Variants in DYNLT2B observed in about 807,000 individuals in gnomAD.
DYNLT2B encodes dynein light chain Tctex-type 2B.
Under a neutral mutation model 19.5 loss-of-function variants are expected in DYNLT2B, and 14 were observed. The ratio of observed to expected loss-of-function variants is 0.72; its 90% confidence interval spans 0.47 to 1.12. The LOEUF is 1.12. Ranked by LOEUF, DYNLT2B falls within the 50% of genes most tolerant of loss-of-function variation. DYNLT2B has a pLI of 0.00. For synonymous variants in DYNLT2B, 70 were observed against 59.7 expected (o/e 1.17, Z -0.79); for missense variants, 133 against 174.7 (o/e 0.76, Z 1.35).
chr3:196,310,756 G>A (rs1026722011), intron 2 of DYNLT2B, among the ~76,000 whole-genome samples: 9 of 151,526 alleles, frequency 5.9e-5, no homozygotes, highest in Admixed American at 5.9e-4. Flanking sequence ...TTTTTTTGGA[G>A]ATAGGGTCTC....
intron 1 of DYNLT2B, among the ~76,000 whole-genome samples, chr3:196,317,182 TTG>T (rs1196484985): frequency 1.4e-4 from 7 of 48,388 alleles, no homozygotes; most frequent in African/African-American, 3.4e-4. Context: ...TGTGTGTGTG[TTG>T]TGTGTGTGTG....
chr3:196,313,475 C>A (rs570549551), intron 2 of DYNLT2B, among the ~76,000 whole-genome samples: 2 of 152,100 alleles, frequency 1.3e-5, no homozygotes, highest in East Asian at 1.9e-4. Context: ...GAATTACAGG[C>A]GTGAGCCACT....
chr3:196,317,154 A>AGTGTGT (rs199908321), intron 1 of DYNLT2B, among the ~76,000 whole-genome samples: 4 of 34,920 alleles, frequency 1.1e-4, no homozygotes, highest in African/African-American at 4.8e-4. Context: ...ATTTTTTTTC[A>AGTGTGT]GTGTGTGTGT....
chr3:196,307,047 T>C (rs1726508648), intron 2 of DYNLT2B, 35 bp from the exon 3 acceptor site: 1 of 1,585,958 alleles, frequency 6.3e-7, no homozygotes. Flanking sequence ...TATAAGCAAA[T>C]ATGTAGTAAA....
chr3:196,309,945 T>TC (rs1352975822), intron 2 of DYNLT2B, among the ~76,000 whole-genome samples: 4 of 114,042 alleles, frequency 3.5e-5, no homozygotes, highest in African/African-American at 1.2e-4. Context: ...CGAAACTCAG[T>TC]CCAAAAAAAA....
intron 4 of DYNLT2B, among the ~76,000 whole-genome samples, chr3:196,293,743 C>A (rs1726151401): frequency 1.4e-5 from 2 of 146,598 alleles, no homozygotes; most frequent in Non-Finnish European, 3.0e-5. Context: ...CTCCCAGGTT[C>A]AAGCAATTCT....
chr3:196,302,428 A>G (rs1726379584), intron 3 of DYNLT2B, among the ~76,000 whole-genome samples: 1 of 152,154 alleles, frequency 6.6e-6, no homozygotes, highest in Non-Finnish European at 1.5e-5. Flanking sequence ...GCTCAAAGAA[A>G]CCCACAATAG....
intron 2 of DYNLT2B, among the ~76,000 whole-genome samples, chr3:196,308,460 T>C (rs1287632917): frequency 6.6e-6 from 1 of 152,220 alleles, no homozygotes; most frequent in Non-Finnish European, 1.5e-5. Flanking sequence ...AGCTGTTTAC[T>C]CCAGAAACTA....
At chr3:196,313,926 C>T (rs755510305) in intron 2 of DYNLT2B, among the ~76,000 whole-genome samples, 9 of 151,936 alleles carry the variant, frequency 5.9e-5, no homozygotes, top group Non-Finnish European at 1.3e-4. Context: ...GGAGAAACCC[C>T]GTCTCTACTA....
rs1386363575 is a variant in DYNLT2B, at chr3:196,317,072, T to C, written c.114-841A>G. ...GTGTGGTGTGTGTGTGGTGTGTGTG[T>C]GTGTGTGTGTGTGTGTAAAGTTAGT... On this transcript the variant is annotated intron_variant, in intron 1 of 4. Coordinates refer to ENST00000325318, the MANE Select transcript of DYNLT2B (RefSeq NM_152773.5). Among the ~76,000 whole-genome samples, 34 of 122,816 alleles carry C rather than the reference T, an allele frequency of 2.8e-4. 1 individual carries two copies. The highest frequency in any genetic ancestry group is 1.1e-3 in the African/African-American group (34 of 30,436). The allele number at this position is 122,816 out of a possible 152,430, so 80.6% of individuals were successfully genotyped here. A position where few individuals can be genotyped will look rare whatever the true frequency, so the allele number is the denominator to read the frequency against.
At chr3:196,316,527 T>C (rs1726798287) in intron 1 of DYNLT2B, among the ~76,000 whole-genome samples, 1 of 151,898 alleles carries the variant, frequency 6.6e-6, no homozygotes, top group Non-Finnish European at 1.5e-5. Context: ...AAACAAAATA[T>C]ATACTTGTTG....
chr3:196,304,214 C>G (rs1023476255), intron 3 of DYNLT2B, among the ~76,000 whole-genome samples: 5 of 151,978 alleles, frequency 3.3e-5, no homozygotes, highest in Non-Finnish European at 7.4e-5. Context: ...CTCACTGCAA[C>G]CTCCACCTCC....
chr3:196,311,121 C>A (rs1274559591), intron 2 of DYNLT2B, among the ~76,000 whole-genome samples: 2 of 152,012 alleles, frequency 1.3e-5, no homozygotes, highest in Admixed American at 6.6e-5. Context: ...AAAGATCATT[C>A]CAGAACTAAT....
intron 2 of DYNLT2B, among the ~76,000 whole-genome samples, chr3:196,309,815 G>A (rs1163489389): frequency 1.3e-5 from 2 of 151,550 alleles, no homozygotes; most frequent in African/African-American, 4.8e-5. Flanking sequence ...AGGGCGTGGT[G>A]GTGCACGCCT....
At chr3:196,292,113 A>C (rs1271328189) in intron 4 of DYNLT2B, among the ~76,000 whole-genome samples, 1 of 152,246 alleles carries the variant, frequency 6.6e-6, no homozygotes. Context: ...ACCTTGTCAT[A>C]AATTCTGGAT....
intron 3 of DYNLT2B, among the ~76,000 whole-genome samples, chr3:196,302,505 C>CA (rs1726380787): frequency 6.6e-6 from 1 of 152,098 alleles, no homozygotes; most frequent in South Asian, 2.1e-4. Context: ...ATTAGAACTA[C>CA]AAAATAAATA....
chr3:196,304,330 G>T (rs1379155685), intron 3 of DYNLT2B, among the ~76,000 whole-genome samples: 1 of 151,954 alleles, frequency 6.6e-6, no homozygotes, highest in Non-Finnish European at 1.5e-5. Context: ...ACAGGGTTTC[G>T]CCAGGTTGGC....
chr3:196,302,674 A>G (rs1221923605), intron 3 of DYNLT2B, among the ~76,000 whole-genome samples: 2 of 152,218 alleles, frequency 1.3e-5, no homozygotes, highest in African/African-American at 4.8e-5. Context: ...GAGGTGGGTC[A>G]TAACTCCCTG....
intron 4 of DYNLT2B, among the ~76,000 whole-genome samples, chr3:196,294,821 C>T (rs929807319): frequency 6.6e-6 from 1 of 151,912 alleles, no homozygotes; most frequent in Non-Finnish European, 1.5e-5. Flanking sequence ...CTGGAACCTC[C>T]GCCACCAGGT....
Sources: allele counts gnomAD v4.1 joint callset (sites outside exome capture counted in the v4.1 genomes callset), GRCh38; gene constraint gnomAD v4.1.1; transcripts MANE v1.5; gene names NCBI Gene and HGNC (gene_info 2026-07-23, HGNC 2026-07-21).